DIXDC1: variants seen among roughly 807,000 people sequenced by gnomAD.
DIXDC1 encodes dixin.
Under a neutral mutation model 103.1 loss-of-function variants are expected in DIXDC1, and 64 were observed. The ratio of observed to expected loss-of-function variants is 0.62; its 90% CI spans 0.51 to 0.76. The LOEUF is 0.76. Among genes scored for constraint, DIXDC1 ranks in the 30% least tolerant of loss-of-function variants. The pLI, the probability that DIXDC1 is intolerant of heterozygous loss-of-function variation, is 0.00. For missense variants in DIXDC1, 759 were observed against 834.2 expected, an observed-to-expected ratio of 0.91 and a Z score of 1.11; for synonymous variants, 266 against 298.5, an observed-to-expected ratio of 0.89 and a Z score of 1.12.
chr11:111,968,608 A>C lies in DIXDC1; in HGVS notation c.286A>C (p.Lys96Gln), dbSNP rs781877693. ...EKVLQFVASK[K>Q]IRMHQTSAKD... ...AGTGCTACAGTTTGTGGCCTCTAAA[A>C]AGATTCGTATGCACCAGACTTCGGC... Residue 96 changes from lysine (K) to glutamine (Q), a missense_variant, in exon 3 of 20, where the codon AAG (lysine) becomes CAG (glutamine). Lys to Gln is a moderately conservative substitution (Grantham distance 53). This residue lies in a region of DIXDC1 where 657 missense variants were observed against 727.5 expected (regional missense o/e 0.90). Coordinates refer to ENST00000440460, the MANE Select transcript of DIXDC1 (RefSeq NM_001037954.4). 3.1e-6 allele frequency: 5 copies of C among 1,611,326 alleles called. No homozygotes were observed. The South Asian group carries it at 5.5e-5, about 18-fold the overall frequency.
chr11:112,021,087 T>C lies in DIXDC1; in HGVS notation c.*2051T>C, dbSNP rs1198088272. On this transcript the variant is annotated 3_prime_UTR_variant, in exon 20 of 20. Coordinates refer to ENST00000440460, the MANE Select transcript of DIXDC1 (RefSeq NM_001037954.4). ...TGTCTCTTAAACCAGTTTTTACTTG[T>C]CAGTTTTCTCTCAGCAAACAGTCTT... 6 of 152,342 alleles carry C rather than the reference T, an allele frequency of 3.9e-5. 1 individual carries two copies. Among genetic ancestry groups the C allele is most frequent in the Non-Finnish European group, 4.4e-5 (3 of 68,030 alleles). 9.4% of individuals were successfully genotyped at this position (152,342 alleles called of 1,614,324 possible).
intron 2 of DIXDC1, among the ~76,000 whole-genome samples, chr11:111,967,513 G>C (rs1054211397): frequency 2.6e-5 from 4 of 152,092 alleles, no homozygotes; most frequent in African/African-American, 9.7e-5. Context: ...ATCATGTCCT[G>C]CCTTGACTAT....
intron 1 of DIXDC1, among the ~76,000 whole-genome samples, chr11:111,943,173 G>C (rs782194945): frequency 7.2e-5 from 11 of 152,152 alleles, no homozygotes; most frequent in Non-Finnish European, 1.5e-4. Flanking sequence ...GTCTCACTCT[G>C]TCACCCAGGC....
chr11:111,945,002 GT>G (rs1228062783), intron 1 of DIXDC1, among the ~76,000 whole-genome samples: 1 of 152,092 alleles, frequency 6.6e-6, no homozygotes, highest in African/African-American at 2.4e-5. Flanking sequence ...TCGGTTACAA[GT>G]GCCAAAAACC....
intron 3 of DIXDC1, among the ~76,000 whole-genome samples, chr11:111,969,782 TA>T (rs1859854192): frequency 6.6e-6 from 1 of 152,212 alleles, no homozygotes; most frequent in East Asian, 1.9e-4. Context: ...ATGAGGCCAA[TA>T]CTGATCATTG....
intron 17 of DIXDC1, among the ~76,000 whole-genome samples, chr11:112,004,520 G>T (rs1381039891): frequency 6.6e-6 from 1 of 152,170 alleles, no homozygotes; most frequent in Non-Finnish European, 1.5e-5. Context: ...ACCACTGGGG[G>T]AGGGACAGGA....
rs1592587122 is a variant in DIXDC1 at position 111,977,369 on chromosome 11, C to T, written c.656+2386C>T. 9.3e-7 allele frequency: 1 copy of T among 1,072,634 alleles called. No homozygotes were observed. The highest frequency in any genetic ancestry group is 1.1e-6 in the Non-Finnish European group (1 of 885,144). 66.4% of individuals were successfully genotyped at this position (1,072,634 alleles called of 1,614,324 possible). On this transcript the variant is annotated intron_variant, in intron 5 of 19. Transcript: ENST00000440460. This position sits in a 1 kb window ranked among gnomAD's most constrained non-coding sequence, Gnocchi z 6.1. ...GGACTCGAGGCGCAGCCTGCGCCGCCGGGAGCCTCCCTCCCAGTGGGAGAT... is the reference window on the plus strand; with the variant it reads ...GGACTCGAGGCGCAGCCTGCGCCGCTGGGAGCCTCCCTCCCAGTGGGAGAT...
chr11:111,964,740 T>G (rs1165089583), intron 2 of DIXDC1, 62 bp downstream of exon 2: 1 of 1,506,168 alleles, frequency 6.6e-7, no homozygotes, highest in Admixed American at 2.4e-5. Context: ...TTCTTTATCC[T>G]TCTTATGCCC....
upstream of DIXDC1, among the ~76,000 whole-genome samples, chr11:111,934,742 T>G (rs1407922556): frequency 6.6e-6 from 1 of 151,624 alleles, no homozygotes; most frequent in Non-Finnish European, 1.5e-5. Flanking sequence ...ACATCTCTTC[T>G]GAGCAAAAAA....
At chr11:111,982,188 A>T in intron 6 of DIXDC1, 151 bp from the exon 7 acceptor site, 1 of 778,776 alleles carries the variant, frequency 1.3e-6, no homozygotes. Context: ...TTTAGGCCTC[A>T]CAACCCCACC....
rs1860787008 is a variant in DIXDC1 at position 111,993,743 on chromosome 11, A to T, written c.1437+3A>T. 1.9e-6 allele frequency: 3 copies of T among 1,613,732 alleles called. No individual in the cohort carries two copies. Among genetic ancestry groups the T allele is most frequent in the Non-Finnish European group, 2.5e-6 (3 of 1,179,832 alleles). ...GTATGAAAAGAGAGGCAGATGAGGTAACCTAGACCCCGTGTTCTCCCTCCC... is the reference window on the plus strand; with the variant it reads ...GTATGAAAAGAGAGGCAGATGAGGTTACCTAGACCCCGTGTTCTCCCTCCC... On this transcript the variant is annotated splice_donor_region_variant and intron_variant, in intron 14 of 19. Coordinates refer to ENST00000440460, the MANE Select transcript of DIXDC1 (RefSeq NM_001037954.4).
At chr11:111,982,674 G>C (rs1279550923) in intron 7 of DIXDC1, among the ~76,000 whole-genome samples, 187 bp downstream of exon 7, 2 of 152,184 alleles carry the variant, frequency 1.3e-5, no homozygotes, top group East Asian at 1.9e-4. Context: ...GACTTTGTGG[G>C]CTACCGTTCA....
chr11:111,929,377 A>T (rs1965940699), intron 1 of DIXDC1, among the ~76,000 whole-genome samples: 1 of 152,058 alleles, frequency 6.6e-6, no homozygotes, highest in Admixed American at 6.6e-5. Context: ...GGGGAGTATT[A>T]CTCTTCACTT....
At chr11:111,948,212 C>T (rs1431252367) in intron 1 of DIXDC1, among the ~76,000 whole-genome samples, 6 of 152,212 alleles carry the variant, frequency 3.9e-5, no homozygotes, top group African/African-American at 1.4e-4. Flanking sequence ...ACTTACTCTA[C>T]AGAATTTTCC....
chr11:111,980,676 A>G, intron 5 of DIXDC1, 61 bp from the exon 6 acceptor site: 2 of 1,396,282 alleles, frequency 1.4e-6, no homozygotes, highest in Non-Finnish European at 2.0e-6. Flanking sequence ...TAAATTATGA[A>G]AGCTGCTTTC....
At chr11:111,933,999 AT>A (rs1441931586), upstream of DIXDC1, among the ~76,000 whole-genome samples, 7 of 152,218 alleles carry the variant, frequency 4.6e-5, no homozygotes, top group Non-Finnish European at 1.0e-4. Context: ...TGGCTCATTC[AT>A]TCCTTCAAGT....
chr11:111,993,099 A>G, intron 12 of DIXDC1, 95 bp downstream of exon 12: 8 of 1,369,234 alleles, frequency 5.8e-6, no homozygotes, highest in Non-Finnish European at 7.9e-6. Flanking sequence ...TTCTATTTTC[A>G]TCCTTTTTGA....
upstream of DIXDC1, among the ~76,000 whole-genome samples, chr11:111,933,133 T>C (rs1390618585): frequency 6.6e-6 from 1 of 152,184 alleles, no homozygotes; most frequent in Non-Finnish European, 1.5e-5. Flanking sequence ...GAGTTTTCTT[T>C]TGGTTTTTTT....
chr11:111,980,396 A>T (rs1860257774), intron 5 of DIXDC1, among the ~76,000 whole-genome samples: 1 of 152,160 alleles, frequency 6.6e-6, no homozygotes, highest in African/African-American at 2.4e-5. Flanking sequence ...GTGATGGAGG[A>T]GGTGGTGGGA....
Sources: gnomAD v4.1 joint callset for allele counts (sites outside exome capture counted in the v4.1 genomes callset) on GRCh38, gnomAD v4.1.1 for gene constraint, gnomAD v4.1.1 regional missense constraint, Gnocchi (gnomAD v3.1) non-coding constraint, MANE v1.5 for transcripts, NCBI Gene and HGNC (gene_info 2026-07-23, HGNC 2026-07-21) for gene names.